Variants in ZNF570 observed in about 807,000 individuals in gnomAD.
ZNF570 encodes the protein zinc finger protein 570.
Under a neutral mutation model 14.2 loss-of-function variants are expected in ZNF570, and 8 were observed. That is an observed-to-expected ratio of 0.56 (90% CI 0.33 to 1.02). The LOEUF (loss-of-function observed/expected upper bound fraction) is 1.02. Ranked by LOEUF, ZNF570 falls within the 50% of genes least tolerant of loss-of-function variation. The pLI, the probability that ZNF570 is intolerant of heterozygous loss-of-function variation, is 0.03. For synonymous variants in ZNF570, 202 were observed against 207.6 expected (o/e 0.97, Z 0.23); for missense variants, 559 against 624.9 (o/e 0.89, Z 1.12).
Position 37,485,614 on chromosome 19 carries a change from G to T in ZNF570, c.*381G>T. 1 of 163,824 alleles carries T rather than the reference G, an allele frequency of 6.1e-6. No individual in the cohort carries two copies. Among genetic ancestry groups the T allele is most frequent in the Admixed American group, 6.0e-5 (1 of 16,590 alleles). The allele number at this position is 163,824 out of a possible 1,614,324, so 10.1% of individuals were successfully genotyped here. A position where few individuals can be genotyped will look rare whatever the true frequency, so the allele number is the denominator to read the frequency against. ...TTTTTGTATTTTTTAGTAGAGATGG[G>T]GTTTTGCCATGTTGGCCAGGCTGGT... On this transcript the variant is annotated 3_prime_UTR_variant, in exon 5 of 5. Coordinates refer to ENST00000330173, the MANE Select transcript of ZNF570 (RefSeq NM_144694.5).
In ZNF570 at chr19:37,469,361, T is replaced by C; in HGVS notation, c.-248T>C. On this transcript the variant is annotated 5_prime_UTR_variant, in exon 1 of 5. Coordinates refer to ENST00000330173, the MANE Select transcript of ZNF570 (RefSeq NM_144694.5). Reference sequence around the variant, plus strand: ...GGGGCGGAGGCAGCTGAGGCGCTTCTTTCCGGGCCCGTAAGGGCTGGGTTC... The same window carrying C: ...GGGGCGGAGGCAGCTGAGGCGCTTCCTTCCGGGCCCGTAAGGGCTGGGTTC... 1.4e-6 allele frequency: 2 copies of C among 1,429,304 alleles called. No homozygotes were observed. Among genetic ancestry groups the C allele is most frequent in the Non-Finnish European group, 1.8e-6 (2 of 1,091,348 alleles). The allele number at this position is 1,429,304 out of a possible 1,614,324, so 88.5% of individuals were successfully genotyped here. A position where few individuals can be genotyped will look rare whatever the true frequency, so the allele number is the denominator to read the frequency against.
In ZNF570 at chr19:37,485,045, T is replaced by C; in HGVS notation, c.1423T>C (p.Cys475Arg). 6.2e-7 allele frequency: 1 copy of C among 1,614,124 alleles called. No homozygotes were observed. Among genetic ancestry groups the C allele is most frequent in the Non-Finnish European group, 8.5e-7 (1 of 1,180,020 alleles). Reference protein sequence around the residue: ...TGEKPYECTVCGKAFSYCGSL... With the variant: ...TGEKPYECTVRGKAFSYCGSL... The stretch of plus-strand genomic sequence containing the variant: ...AGAGAAACCTTATGAATGTACTGTT[T>C]GTGGAAAGGCTTTTAGTTACTGTGG... Residue 475 changes from cysteine to arginine, a missense_variant, in exon 5 of 5, where the codon TGT (cysteine) becomes CGT (arginine). By Grantham distance (180) the Cys-to-Arg change is radical. Coordinates refer to ENST00000330173, the MANE Select transcript of ZNF570 (RefSeq NM_144694.5).
upstream of ZNF570, among the ~76,000 whole-genome samples, chr19:37,468,359 G>A (rs573567620): frequency 5.9e-4 from 90 of 152,294 alleles, no homozygotes; most frequent in Admixed American, 4.6e-3. Flanking sequence ...AAAGTGCTAG[G>A]ATTACAGGCA....
At chr19:37,482,059 C>T (rs2042093487) in intron 4 of ZNF570, among the ~76,000 whole-genome samples, 1 of 152,188 alleles carries the variant, frequency 6.6e-6, no homozygotes. Flanking sequence ...GCTTATTTCA[C>T]TTACTGTAAT....
At chr19:37,476,126 AC>A in intron 3 of ZNF570, 119 bp downstream of exon 3, 1 of 1,430,744 alleles carries the variant, frequency 7.0e-7, no homozygotes. Flanking sequence ...CCTATGCCAA[AC>A]AAATGGCTTA....
intron 4 of ZNF570, among the ~76,000 whole-genome samples, chr19:37,482,941 G>T (rs1198099947): frequency 6.8e-6 from 1 of 146,670 alleles, no homozygotes; most frequent in Non-Finnish European, 1.5e-5. Context: ...TTCATCTTCT[G>T]CCATGATTGT....
At chr19:37,467,802 G>A (rs1478902337), upstream of ZNF570, 1 of 1,366,406 alleles carries the variant, frequency 7.3e-7, no homozygotes, top group Non-Finnish European at 1.0e-6. Flanking sequence ...ATCTGAGGTC[G>A]TGCGAATATG....
At chr19:37,469,920 G>A (rs1036688070) in intron 1 of ZNF570, among the ~76,000 whole-genome samples, 3 of 152,166 alleles carry the variant, frequency 2.0e-5, no homozygotes, top group African/African-American at 7.2e-5. Flanking sequence ...CCACGGAGAG[G>A]CTTTTAAAGC....
In ZNF570 at chr19:37,484,728, T is replaced by A. The variant is rs1279433228; in HGVS notation, c.1106T>A (p.Leu369His). The change falls in exon 5 of 5, where the codon CTT becomes CAT. Residue 369 changes from leucine (L) to histidine (H), a missense_variant. Physicochemically the swap from Leu to His is moderately conservative, Grantham distance 99. Transcript: ENST00000330173. ...AATGTCTGTGGGAAAGCATTTAGCC[T>A]TCGTGCATACCTTACTGTACATCAG... is the stretch of plus-strand genomic sequence containing the variant. ...ECNVCGKAFS[L>H]RAYLTVHQRI... 1.2e-6 allele frequency: 2 copies of A among 1,612,636 alleles called. No individual in the cohort carries two copies. The highest frequency in any genetic ancestry group is 3.3e-5 in the Admixed American group (2 of 59,868).
chr19:37,468,121 G>C (rs1458460334), upstream of ZNF570: 1 of 614,010 alleles, frequency 1.6e-6, no homozygotes, highest in African/African-American at 2.0e-5. Context: ...GCCTCACTTT[G>C]TTGCCCAGGC....
At position 37,484,931 on chromosome 19, in the gene ZNF570, A is replaced by G. The variant is rs1412029172; in HGVS notation, c.1309A>G (p.Thr437Ala). The change falls in exon 5 of 5, where the codon ACT (threonine) becomes GCT (alanine). Residue 437 changes from threonine to alanine, a missense_variant. By Grantham distance (58) the Thr-to-Ala change is moderately conservative. Transcript: ENST00000330173. ...AYLAQHQRVH[T>A]GEKPYECIEC... ...CCTTGCTCAGCATCAAAGAGTTCAT[A>G]CTGGAGAGAAACCCTATGAATGTAT... The G allele has an allele frequency of 3.7e-6, 6 of 1,614,028 alleles. No individual in the cohort carries two copies. Among genetic ancestry groups the G allele is most frequent in the Non-Finnish European group, 1.7e-6 (2 of 1,180,030 alleles).
Position 37,484,900 on chromosome 19 carries a change from T to C in ZNF570, c.1278T>C (p.Ile426=), listed in dbSNP as rs1434315435. Residue 426 remains isoleucine, a synonymous_variant, in exon 5 of 5, where the codon ATT becomes ATC. Transcript: ENST00000330173. ...AATGTAGGAAAGCATTCAGCCAGAT[T>C]GCCTACCTTGCTCAGCATCAAAGAG... ...CQECRKAFSQ[I]AYLAQHQRVH... is the part of the protein sequence containing the mutation. 1 of 1,613,816 alleles carries C rather than the reference T, an allele frequency of 6.2e-7. No individual in the cohort carries two copies. Among genetic ancestry groups the C allele is most frequent in the Non-Finnish European group, 8.5e-7 (1 of 1,179,976 alleles).
In ZNF570 at chr19:37,476,382, A is replaced by G. The variant is rs766065705; in HGVS notation, c.204A>G (p.Gln68=). The change falls in exon 4 of 5, where the codon CAA becomes CAG. Residue 68 remains glutamine, a synonymous_variant. Coordinates refer to ENST00000330173, the MANE Select transcript of ZNF570 (RefSeq NM_144694.5). ...SKPSVILLLE[Q]GKAPWMVKRE... ...CAAGTGTGATATTATTGTTGGAACAAGGAAAAGCACCCTGGATGGTGAAGA... is the reference window on the plus strand; with the variant it reads ...CAAGTGTGATATTATTGTTGGAACAGGGAAAAGCACCCTGGATGGTGAAGA... 1.2e-6 allele frequency: 2 copies of G among 1,614,014 alleles called. No individual in the cohort carries two copies. Among genetic ancestry groups the G allele is most frequent in the African/African-American group, 1.3e-5 (1 of 74,932 alleles).
At chr19:37,483,735 C>A in intron 4 of ZNF570, 144 bp from the exon 5 acceptor site, 1 of 748,050 alleles carries the variant, frequency 1.3e-6, no homozygotes, top group South Asian at 2.4e-5. Flanking sequence ...AGTTTCTCTT[C>A]TTGTACACTT....
rs542074069 is a variant in ZNF570, at chr19:37,488,022, G to A, written c.*2789G>A. 17 of 152,344 alleles carry A rather than the reference G, an allele frequency of 1.1e-4. No homozygotes were observed. Among genetic ancestry groups the A allele is most frequent in the African/African-American group, 3.8e-4 (16 of 41,580 alleles). The allele number at this position is 152,344 out of a possible 1,614,324, so 9.4% of individuals were successfully genotyped here. A position where few individuals can be genotyped will look rare whatever the true frequency, so the allele number is the denominator to read the frequency against. On this transcript the variant is annotated 3_prime_UTR_variant, in exon 5 of 5. Transcript: ENST00000330173. ...TAGGAACACTCATACGGTGCTATAG[G>A]AAGTAGTTGTGTTTAGCATAATTTG...
chr19:37,484,078 T>G lies in ZNF570; in HGVS notation c.456T>G (p.Thr152=), dbSNP rs2042118031. ...CGTGTTTCAAGGAAGAGATAATCAC[T>G]CATGAAGAACCCCTTTTTGATGAGA... ...QKACFKEEII[T]HEEPLFDERE... is the part of the protein sequence containing the mutation. Residue 152 remains threonine (T), a synonymous_variant, in exon 5 of 5, where the codon ACT becomes ACG. Coordinates refer to ENST00000330173, the MANE Select transcript of ZNF570 (RefSeq NM_144694.5). The G allele has an allele frequency of 6.2e-7, 1 of 1,614,076 alleles. No individual in the cohort carries two copies. The highest frequency in any genetic ancestry group is 8.5e-7 in the Non-Finnish European group (1 of 1,180,002).
rs1491116906 is a variant in ZNF570, at chr19:37,477,288, C to CAT, written c.256+854_256+855insAT. On this transcript the variant is annotated intron_variant, in intron 4 of 4. Transcript: ENST00000330173. ...AGGTGCTCATTGTGGGGGAGGTTGT[C>CAT]GTGTGTGTGTGTGTGTGTGTGTGTG... 3.0e-3 allele frequency among the ~76,000 whole-genome samples: 350 copies of CAT among 115,462 alleles called. 2 individuals carry two copies. The highest frequency in any genetic ancestry group is 0.011 in the African/African-American group (338 of 29,644). 75.7% of individuals were successfully genotyped at this position (115,462 alleles called of 152,430 possible).
intron 2 of ZNF570, among the ~76,000 whole-genome samples, chr19:37,472,759 AAG>A (rs1555846479): frequency 2.0e-5 from 3 of 151,756 alleles, no homozygotes; most frequent in African/African-American, 7.3e-5. Context: ...AAAAAAAAAA[AAG>A]AAGGAAAGAA....
chr19:37,480,490 A>G (rs1373619198), intron 4 of ZNF570, among the ~76,000 whole-genome samples: 2 of 152,190 alleles, frequency 1.3e-5, no homozygotes, highest in African/African-American at 2.4e-5. Flanking sequence ...ATCTCAAAAA[A>G]CAAAACAAAA....
Sources: gnomAD v4.1 joint callset for allele counts (sites outside exome capture counted in the v4.1 genomes callset) on GRCh38, gnomAD v4.1.1 for gene constraint, MANE v1.5 for transcripts, NCBI Gene and HGNC (gene_info 2026-07-23, HGNC 2026-07-21) for gene names.